Variants in RAD54B observed in about 807,000 individuals in gnomAD.
RAD54B encodes the protein RAD54 homolog B.
In RAD54B, 78 loss-of-function variants were observed where a neutral mutation model predicts 95.8. That is an observed-to-expected ratio of 0.81 (90% CI 0.68 to 0.98). RAD54B has a LOEUF of 0.98. RAD54B is among the 50% of genes least tolerant of loss of function. RAD54B has a pLI of 0.00. For synonymous variants in RAD54B, 328 were observed against 354.9 expected (o/e 0.92, Z 0.85); for missense variants, 957 against 1,056.6 (o/e 0.91, Z 1.31).
chr8:94,376,136 C>G (rs527552769), intron 14 of RAD54B, among the ~76,000 whole-genome samples: 1 of 152,016 alleles, frequency 6.6e-6, no homozygotes, highest in African/African-American at 2.4e-5. Context: ...TTTCCATGCA[C>G]AAAACAAACA....
chr8:94,390,364 G>A (rs1179929591), intron 10 of RAD54B, among the ~76,000 whole-genome samples: 6 of 151,512 alleles, frequency 4.0e-5, no homozygotes, highest in South Asian at 2.1e-4. Context: ...GCTGGGTGTG[G>A]TGGCAGGCGC....
At position 94,463,189 on chromosome 8, in the gene RAD54B, T is replaced by C. The variant is rs1016369851; in HGVS notation, c.135+4216A>G. 6.3e-5 allele frequency among the ~76,000 whole-genome samples: 9 copies of C among 143,870 alleles called. No individual in the cohort carries two copies. In the East Asian group the frequency reaches 1.4e-3, roughly 23 times the overall value. The allele number at this position is 143,870 out of a possible 152,430, so 94.4% of individuals were successfully genotyped here. A position where few individuals can be genotyped will look rare whatever the true frequency, so the allele number is the denominator to read the frequency against. On this transcript the variant is annotated intron_variant, in intron 2 of 14. Transcript: ENST00000336148. ...AGACTCCATCTCAAAAACAAATAAA[T>C]AAATAAATAAATAAATAATAAATAT...
chr8:94,427,642 C>T (rs1032317409), intron 3 of RAD54B: 7 of 845,940 alleles, frequency 8.3e-6, no homozygotes, highest in Non-Finnish European at 1.0e-5. Context: ...TCAATTATAC[C>T]TCATCAAAAA....
Position 94,406,027 on chromosome 8 carries a change from C to CACACAT in RAD54B, c.781+1411_781+1412insATGTGT, listed in dbSNP as rs11281421. 5.5e-3 allele frequency among the ~76,000 whole-genome samples: 832 copies of CACACAT among 150,508 alleles called. 5 individuals are homozygous for CACACAT. Among genetic ancestry groups the CACACAT allele is most frequent in the Admixed American group, 0.016 (239 of 15,006 alleles). The stretch of plus-strand genomic sequence containing the variant: ...TTACACACACACACACACACACACA[C>CACACAT]ATATATATAAAATTCACATGTACAC... On this transcript the variant is annotated intron_variant, in intron 5 of 14. Coordinates refer to ENST00000336148, the MANE Select transcript of RAD54B (RefSeq NM_012415.3).
intron 3 of RAD54B, among the ~76,000 whole-genome samples, chr8:94,419,321 A>C (rs1223751003): frequency 6.6e-6 from 1 of 152,144 alleles, no homozygotes; most frequent in African/African-American, 2.4e-5. Flanking sequence ...CAGCCTGACC[A>C]ACATGGTGAA....
chr8:94,428,338 C>G, intron 3 of RAD54B: 1 of 982,894 alleles, frequency 1.0e-6, no homozygotes, highest in Non-Finnish European at 1.2e-6. Context: ...TGCAAGATGT[C>G]TGGTGGCTTA....
intron 2 of RAD54B, among the ~76,000 whole-genome samples, chr8:94,460,547 T>C (rs1812877842): frequency 2.0e-5 from 3 of 152,256 alleles, no homozygotes; most frequent in African/African-American, 4.8e-5. Context: ...AGGAAGTTCA[T>C]TATGTGCTAT....
intron 9 of RAD54B, 107 bp from the exon 10 acceptor site, chr8:94,392,006 CA>C (rs1811035012): frequency 9.2e-7 from 1 of 1,082,214 alleles, no homozygotes; most frequent in African/African-American, 1.6e-5. Context: ...TGCTTCCCAA[CA>C]AATTTTAAAA....
intron 3 of RAD54B, chr8:94,428,686 A>T: frequency 1.2e-6 from 1 of 860,886 alleles, no homozygotes; most frequent in Non-Finnish European, 1.4e-6. Flanking sequence ...TTCAATCCAC[A>T]GTAGTTCAAT....
chr8:94,378,353 CT>C lies in RAD54B; in HGVS notation c.2341del (p.Arg781GlyfsTer26). The C allele has an allele frequency of 6.2e-7, 1 of 1,613,610 alleles. No homozygotes were observed. Among genetic ancestry groups the C allele is most frequent in the Admixed American group, 1.7e-5 (1 of 59,968 alleles). On this transcript the variant is annotated frameshift_variant, in exon 14 of 15. Coordinates refer to ENST00000336148, the MANE Select transcript of RAD54B (RefSeq NM_012415.3). LOFTEE classifies it high-confidence loss of function. ...TGTIEEKIYQ[R>X]QISKQGLCGA... is the part of the protein sequence containing the mutation. Reference sequence around the variant, plus strand: ...ACAAAGACCTTGCTTACTGATCTGCCTTTGATAGATCTTTTCTTCTATTGTA... The same window carrying C: ...ACAAAGACCTTGCTTACTGATCTGCCTTGATAGATCTTTTCTTCTATTGTA...
chr8:94,430,513 T>C, intron 3 of RAD54B: 2 of 899,754 alleles, frequency 2.2e-6, no homozygotes, highest in Non-Finnish European at 2.7e-6. Flanking sequence ...AAAGGGTTTA[T>C]TAAAAGAGAT....
At chr8:94,400,615 A>G in intron 6 of RAD54B, 152 bp from the exon 7 acceptor site, 1 of 622,820 alleles carries the variant, frequency 1.6e-6, no homozygotes, top group East Asian at 2.8e-5. Context: ...TGCATCTTTG[A>G]TAATTATATC....
chr8:94,456,747 T>C (rs1461346653), intron 3 of RAD54B, among the ~76,000 whole-genome samples: 1 of 152,078 alleles, frequency 6.6e-6, no homozygotes, highest in East Asian at 1.9e-4. Context: ...AAAGGGTGAG[T>C]GGATACTAAA....
At chr8:94,377,836 C>T (rs1373242981) in intron 14 of RAD54B, among the ~76,000 whole-genome samples, 43 of 148,288 alleles carry the variant, frequency 2.9e-4, no homozygotes, top group African/African-American at 1.0e-3. Context: ...ATTAGCCGGG[C>T]GTGGTAGCGG....
chr8:94,465,748 A>C (rs755955514), intron 2 of RAD54B, among the ~76,000 whole-genome samples: 1 of 152,250 alleles, frequency 6.6e-6, no homozygotes, highest in Non-Finnish European at 1.5e-5. Flanking sequence ...AAAAAGGTGG[A>C]AACTGCCCAA....
At chr8:94,396,817 G>C (rs1260643122) in intron 8 of RAD54B, among the ~76,000 whole-genome samples, 1 of 152,098 alleles carries the variant, frequency 6.6e-6, no homozygotes, top group Non-Finnish European at 1.5e-5. Context: ...AAGGTTAAAT[G>C]AGGTCCTAAG....
intron 3 of RAD54B, among the ~76,000 whole-genome samples, chr8:94,435,845 C>A (rs1259800574): frequency 6.6e-6 from 1 of 152,022 alleles, no homozygotes; most frequent in Admixed American, 6.6e-5. Context: ...ATAAAAACAA[C>A]AACAACAAAA....
At chr8:94,407,084 C>T (rs899066167) in intron 5 of RAD54B, among the ~76,000 whole-genome samples, 5 of 152,104 alleles carry the variant, frequency 3.3e-5, no homozygotes, top group African/African-American at 1.2e-4. Context: ...GAAGTATAAT[C>T]ATAGTCCAGA....
intron 3 of RAD54B, among the ~76,000 whole-genome samples, chr8:94,455,250 A>G (rs1192172058): frequency 3.3e-5 from 5 of 152,224 alleles, no homozygotes; most frequent in Admixed American, 6.5e-5. Context: ...TAATGTTCCA[A>G]TAGCCTCTTT....
Sources: gnomAD v4.1 joint callset for allele counts (sites outside exome capture counted in the v4.1 genomes callset) on GRCh38, gnomAD v4.1.1 for gene constraint, MANE v1.5 for transcripts, NCBI Gene and HGNC (gene_info 2026-07-23, HGNC 2026-07-21) for gene names.